SLC22A23: variants seen among roughly 807,000 people sequenced by gnomAD.
The protein encoded by SLC22A23 is ion transporter protein.
In SLC22A23, 26 loss-of-function variants were observed where a neutral mutation model predicts 61.0. The ratio of observed to expected loss-of-function variants is 0.43; its 90% CI spans 0.31 to 0.59. The LOEUF is 0.59. SLC22A23 is among the 20% of genes least tolerant of loss of function. The pLI is 0.11. For synonymous variants in SLC22A23, 430 were observed against 413.9 expected, an observed-to-expected ratio of 1.04 and a Z score of -0.47; for missense variants, 796 against 934.7, an observed-to-expected ratio of 0.85 and a Z score of 1.94.
chr6:3,341,227 G>C (rs191309589), intron 3 of SLC22A23, among the ~76,000 whole-genome samples: 6 of 152,304 alleles, frequency 3.9e-5, no homozygotes, highest in African/African-American at 1.2e-4. Context: ...CCCTCCCTCC[G>C]ATCAAGCTGA....
At chr6:3,422,991 A>G (rs926384273) in intron 1 of SLC22A23, among the ~76,000 whole-genome samples, 3 of 152,130 alleles carry the variant, frequency 2.0e-5, no homozygotes, top group African/African-American at 7.2e-5. Flanking sequence ...TCCCATTTTA[A>G]TGAGTAATGT....
intron 3 of SLC22A23, among the ~76,000 whole-genome samples, chr6:3,393,676 G>A (rs1767812992): frequency 6.6e-6 from 1 of 152,212 alleles, no homozygotes; most frequent in Non-Finnish European, 1.5e-5. Context: ...GACAACCATT[G>A]CTCCACGCCT....
chr6:3,340,852 C>T (rs1023907993), intron 3 of SLC22A23, among the ~76,000 whole-genome samples: 1 of 152,064 alleles, frequency 6.6e-6, no homozygotes, highest in African/African-American at 2.4e-5. Flanking sequence ...GAAACCAGGG[C>T]AATATGAGTT....
intron 3 of SLC22A23, among the ~76,000 whole-genome samples, chr6:3,340,421 A>T (rs116439175): frequency 0.014 from 2,165 of 152,218 alleles, 32 homozygotes; most frequent in Middle Eastern, 0.041. Flanking sequence ...TGGCCTGGGG[A>T]CCCATACGTA....
rs936040829 is a variant in SLC22A23 at position 3,279,279 on chromosome 6, G to A, written c.1703+4573C>T. ...TGTAATCCCAGCAATTTGGGAGGCCGAGATGGGCAGATCACGAGGTCAGGA... is the reference window on the plus strand; with the variant it reads ...TGTAATCCCAGCAATTTGGGAGGCCAAGATGGGCAGATCACGAGGTCAGGA... On this transcript the variant is annotated intron_variant, in intron 9 of 9. Coordinates refer to ENST00000406686, the MANE Select transcript of SLC22A23 (RefSeq NM_015482.2). Among the ~76,000 whole-genome samples, 8 of 151,754 alleles carry A rather than the reference G, an allele frequency of 5.3e-5. No homozygotes were observed. The East Asian group carries it at 1.2e-3, about 22-fold the overall frequency.
chr6:3,425,214 T>C (rs951696969), intron 1 of SLC22A23, among the ~76,000 whole-genome samples: 1 of 152,018 alleles, frequency 6.6e-6, no homozygotes, highest in Non-Finnish European at 1.5e-5. Flanking sequence ...GGGAAAGATA[T>C]TTCTAGTTTT....
chr6:3,303,704 G>A (rs1761778018), intron 4 of SLC22A23, among the ~76,000 whole-genome samples: 1 of 152,180 alleles, frequency 6.6e-6, no homozygotes, highest in Non-Finnish European at 1.5e-5. Context: ...GGAAGGGTAG[G>A]GGGAAGGGAG....
chr6:3,381,296 C>T (rs1283900447), intron 3 of SLC22A23, among the ~76,000 whole-genome samples: 1 of 152,160 alleles, frequency 6.6e-6, no homozygotes, highest in African/African-American at 2.4e-5. Flanking sequence ...GTCCATCTGC[C>T]CATTAACCAC....
chr6:3,398,047 G>A (rs778867267), intron 3 of SLC22A23, among the ~76,000 whole-genome samples: 6 of 151,834 alleles, frequency 4.0e-5, no homozygotes, highest in African/African-American at 1.2e-4. Context: ...TACCAAAGAG[G>A]AGAAATCATA....
chr6:3,364,810 G>A (rs765766913), intron 3 of SLC22A23, among the ~76,000 whole-genome samples: 46 of 152,180 alleles, frequency 3.0e-4, no homozygotes, highest in Non-Finnish European at 5.9e-4. Flanking sequence ...TCTGGCCTGG[G>A]GACAGTCAGA....
chr6:3,365,765 T>TA (rs1321708551), intron 3 of SLC22A23, among the ~76,000 whole-genome samples: 5 of 152,126 alleles, frequency 3.3e-5, no homozygotes, highest in East Asian at 3.9e-4. Context: ...TTAAAACATT[T>TA]AAAAAACAGT....
At chr6:3,293,805 G>A (rs76097070) in intron 5 of SLC22A23, among the ~76,000 whole-genome samples, 6,063 of 152,314 alleles carry the variant, frequency 0.04, 423 homozygotes, top group African/African-American at 0.14. Context: ...TGAACAGATT[G>A]TTAAGGCAGA....
intron 3 of SLC22A23, among the ~76,000 whole-genome samples, chr6:3,393,276 T>C (rs1767785566): frequency 6.6e-6 from 1 of 152,186 alleles, no homozygotes; most frequent in Admixed American, 6.5e-5. Flanking sequence ...GGAGAAGTTT[T>C]GCTGTGAAAG....
At chr6:3,323,310 A>G (rs1763072070) in intron 4 of SLC22A23, 1 of 456,480 alleles carries the variant, frequency 2.2e-6, no homozygotes, top group Admixed American at 2.3e-5. Context: ...AAGCAGCCAC[A>G]GGTAATACCT....
chr6:3,417,887 G>A (rs917346742), intron 1 of SLC22A23, among the ~76,000 whole-genome samples: 10 of 152,232 alleles, frequency 6.6e-5, no homozygotes, highest in Non-Finnish European at 1.5e-4. Context: ...AGTTCAGTGA[G>A]CTTTTGGAGG....
At chr6:3,338,400 G>A (rs368302743) in intron 3 of SLC22A23, among the ~76,000 whole-genome samples, 2 of 152,204 alleles carry the variant, frequency 1.3e-5, no homozygotes, top group East Asian at 1.9e-4. Context: ...TATGATCTTC[G>A]CTCACTGCAA....
intron 1 of SLC22A23, among the ~76,000 whole-genome samples, chr6:3,422,409 A>C (rs1770204854): frequency 6.6e-6 from 1 of 152,212 alleles, no homozygotes; most frequent in Non-Finnish European, 1.5e-5. Context: ...CTGATGAAGC[A>C]CATTAGCTAC....
chr6:3,448,737 G>A lies in SLC22A23; in HGVS notation c.654+7169C>T, dbSNP rs375159169. Among the ~76,000 whole-genome samples the A allele has an allele frequency of 4.5e-3, 686 of 151,834 alleles. 5 individuals carry two copies. The highest frequency in any genetic ancestry group is 0.016 in the African/African-American group (648 of 41,376). On this transcript the variant is annotated intron_variant, in intron 1 of 9. Transcript: ENST00000406686. ...TCTTGAACTCCTGACCTCGTGATCC[G>A]CCCACCTCGGCCTCCCAAAGTGCTG...
chr6:3,374,845 G>T (rs1766458026), intron 3 of SLC22A23, among the ~76,000 whole-genome samples: 1 of 152,160 alleles, frequency 6.6e-6, no homozygotes, highest in Admixed American at 6.5e-5. Flanking sequence ...TAAGACCTCA[G>T]AGAACCATCT....
Sources: gnomAD v4.1 joint callset for allele counts (sites outside exome capture counted in the v4.1 genomes callset) on GRCh38, gnomAD v4.1.1 for gene constraint, MANE v1.5 for transcripts, NCBI Gene and HGNC (gene_info 2026-07-23, HGNC 2026-07-21) for gene names.